Variants in IQGAP2 observed in about 807,000 individuals in gnomAD.
IQGAP2 encodes IQ motif containing GTPase activating protein 2, also known as ras GTPase-activating-like protein IQGAP2.
A neutral mutation model predicts 201.3 loss-of-function variants in IQGAP2; 173 were observed. The observed-to-expected ratio is 0.86, with a 90% CI of 0.76 to 0.98. IQGAP2 has a LOEUF of 0.98. Among genes scored for constraint, IQGAP2 ranks in the 50% least tolerant of loss-of-function variants. IQGAP2 has a pLI of 0.00. For missense variants in IQGAP2, 1,687 were observed against 1,864.8 expected (o/e 0.90, Z 1.76); for synonymous variants, 675 against 673.9 (o/e 1.00, Z -0.03).
At chr5:76,651,098 C>T (rs1232980821) in intron 17 of IQGAP2, among the ~76,000 whole-genome samples, 2 of 152,030 alleles carry the variant, frequency 1.3e-5, no homozygotes, top group Non-Finnish European at 2.9e-5. Context: ...CTTTGTCCAC[C>T]GATTGACATA....
intron 2 of IQGAP2, among the ~76,000 whole-genome samples, chr5:76,522,995 G>A (rs1391005381): frequency 2.0e-5 from 3 of 149,180 alleles, no homozygotes. Context: ...ATGCCTTTTT[G>A]TAAAAGATCT....
intron 13 of IQGAP2, chr5:76,617,389 A>T: frequency 1.8e-6 from 1 of 543,232 alleles, no homozygotes; most frequent in South Asian, 2.5e-5. Flanking sequence ...GTGCCACTGC[A>T]CGCCAGTCTG....
At chr5:76,558,426 T>G (rs1283859013) in intron 2 of IQGAP2, among the ~76,000 whole-genome samples, 1 of 152,262 alleles carries the variant, frequency 6.6e-6, no homozygotes, top group Non-Finnish European at 1.5e-5. Context: ...GAAAACAGAT[T>G]GTGTTTTAAT....
At chr5:76,434,611 T>C (rs1023242243) in intron 1 of IQGAP2, among the ~76,000 whole-genome samples, 7 of 152,152 alleles carry the variant, frequency 4.6e-5, no homozygotes, top group Admixed American at 3.9e-4. Flanking sequence ...GGCACTTAGA[T>C]TGGTCCCATA....
intron 4 of IQGAP2, among the ~76,000 whole-genome samples, chr5:76,573,859 C>T (rs994785522): frequency 1.2e-4 from 18 of 151,304 alleles, no homozygotes; most frequent in African/African-American, 2.2e-4. Flanking sequence ...CCTGACCTCA[C>T]GTGATCTACC....
intron 2 of IQGAP2, among the ~76,000 whole-genome samples, chr5:76,515,833 A>G (rs1469356105): frequency 6.7e-6 from 1 of 150,188 alleles, no homozygotes; most frequent in East Asian, 2.0e-4. Flanking sequence ...AAGTGGATTT[A>G]GATATATAAA....
At chr5:76,408,229 AACAAAGGCT>A (rs1429209659) in intron 1 of IQGAP2, among the ~76,000 whole-genome samples, 2 of 152,244 alleles carry the variant, frequency 1.3e-5, no homozygotes, top group Non-Finnish European at 2.9e-5. Context: ...CCAAAAGAGA[AACAAAGGCT>A]ACTCAACGTC....
intron 2 of IQGAP2, among the ~76,000 whole-genome samples, chr5:76,536,898 A>G (rs1467136132): frequency 6.6e-6 from 1 of 152,192 alleles, no homozygotes; most frequent in Non-Finnish European, 1.5e-5. Context: ...AAGTTCCTTA[A>G]CTCTGAAAAT....
chr5:76,689,772 T>C (rs965930386), intron 30 of IQGAP2, among the ~76,000 whole-genome samples: 1 of 152,206 alleles, frequency 6.6e-6, no homozygotes, highest in Non-Finnish European at 1.5e-5. Flanking sequence ...AATTATCTTG[T>C]TAGGATGTTA....
intron 12 of IQGAP2, chr5:76,606,889 G>A (rs922667359): frequency 1.3e-5 from 2 of 152,156 alleles, no homozygotes; most frequent in Non-Finnish European, 2.9e-5. Context: ...GAAGAATGAG[G>A]AGCTATGTAG....
At position 76,701,083 on chromosome 5, in the gene IQGAP2, C is replaced by T. The variant is rs773849577; in HGVS notation, c.4375C>T (p.Arg1459Trp). 4 of 1,614,034 alleles carry T rather than the reference C, an allele frequency of 2.5e-6. No homozygotes were observed. The highest frequency in any genetic ancestry group is 2.2e-5 in the South Asian group (2 of 91,058). ...CTGTTCTTATTTTGTCAGAAATACT[C>T]GGAGATCAATTAAACTAGATGGAAA... ...CLDNLKRKNT[R>W]RSIKLDGKGE... The change falls in exon 34 of 36, where the codon CGG becomes TGG. Residue 1459 changes from arginine to tryptophan, a missense_variant. Coordinates refer to ENST00000274364, the MANE Select transcript of IQGAP2 (RefSeq NM_006633.5).
intron 1 of IQGAP2, among the ~76,000 whole-genome samples, chr5:76,447,240 G>A (rs1223637901): frequency 4.6e-5 from 7 of 152,162 alleles, no homozygotes; most frequent in East Asian, 1.9e-4. Flanking sequence ...CTTTAAACAC[G>A]AGGCTTGCAA....
At chr5:76,443,994 A>G (rs1753214193) in intron 1 of IQGAP2, among the ~76,000 whole-genome samples, 1 of 152,224 alleles carries the variant, frequency 6.6e-6, no homozygotes, top group Non-Finnish European at 1.5e-5. Flanking sequence ...CGTCTACCAA[A>G]TTAGAGTGAT....
intron 5 of IQGAP2, among the ~76,000 whole-genome samples, chr5:76,586,267 T>C (rs1746237660): frequency 6.6e-6 from 1 of 152,128 alleles, no homozygotes; most frequent in Non-Finnish European, 1.5e-5. Flanking sequence ...GTTCAAAGTC[T>C]AATATAAAAC....
chr5:76,654,727 A>G (rs1009115948), intron 19 of IQGAP2, among the ~76,000 whole-genome samples: 5 of 152,222 alleles, frequency 3.3e-5, no homozygotes, highest in Admixed American at 6.5e-5. Flanking sequence ...CAGTTCCCCT[A>G]CAGTCTTGTT....
At chr5:76,616,991 C>T (rs1749037725) in intron 13 of IQGAP2, 1 of 152,318 alleles carries the variant, frequency 6.6e-6, no homozygotes, top group Non-Finnish European at 1.5e-5. Context: ...AAAATGATGT[C>T]AAATGTCAAG....
chr5:76,554,701 G>A (rs893969146), intron 2 of IQGAP2, among the ~76,000 whole-genome samples: 1 of 152,172 alleles, frequency 6.6e-6, no homozygotes, highest in African/African-American at 2.4e-5. Context: ...CTCATACACT[G>A]CTGGTGAGAA....
At position 76,519,679 on chromosome 5, in the gene IQGAP2, G is replaced by A. The variant is rs185932233; in HGVS notation, c.147-42717G>A. On this transcript the variant is annotated intron_variant, in intron 2 of 35. Transcript: ENST00000274364. ...ATATATGTGAGTTCTATTTTTTTCT[G>A]CAACTTCCTCACACTTGATATTAAG... 1.7e-3 allele frequency among the ~76,000 whole-genome samples: 266 copies of A among 152,222 alleles called. 2 individuals are homozygous for A. Among genetic ancestry groups the A allele is most frequent in the African/African-American group, 6.3e-3 (260 of 41,528 alleles).
chr5:76,416,549 G>A (rs1056895051), intron 1 of IQGAP2, among the ~76,000 whole-genome samples: 4 of 140,036 alleles, frequency 2.9e-5, no homozygotes, highest in African/African-American at 1.3e-4. Context: ...TTTTTGAGAC[G>A]GAGTCTCACT....
Sources: allele counts gnomAD v4.1 joint callset (sites outside exome capture counted in the v4.1 genomes callset), GRCh38; gene constraint gnomAD v4.1.1; transcripts MANE v1.5; gene names NCBI Gene and HGNC (gene_info 2026-07-23, HGNC 2026-07-21).